Variants in SEMA3A observed in about 807,000 individuals in gnomAD.
SEMA3A encodes semaphorin-3A.
Under a neutral mutation model 97.9 loss-of-function variants are expected in SEMA3A, and 29 were observed. That is an observed-to-expected ratio of 0.30 (90% CI 0.22 to 0.40). SEMA3A has a LOEUF of 0.40. Ranked by LOEUF, SEMA3A falls within the 10% of genes least tolerant of loss-of-function variation. The probability of loss-of-function intolerance (pLI) is 1.00; values close to 1 mark genes in which losing one functional copy is unlikely to be tolerated. For missense variants in SEMA3A, 763 were observed against 951.3 expected (o/e 0.80, Z 2.60); for synonymous variants, 321 against 323.7 (o/e 0.99, Z 0.09).
At chr7:84,080,899 C>T (rs1019048927) in intron 4 of SEMA3A, among the ~76,000 whole-genome samples, 2 of 151,772 alleles carry the variant, frequency 1.3e-5, no homozygotes, top group Non-Finnish European at 2.9e-5. Flanking sequence ...AAAAAATATA[C>T]TTTAATCTCT....
At chr7:84,490,037 G>A (rs951171073) in intron 1 of SEMA3A, among the ~76,000 whole-genome samples, 4 of 151,362 alleles carry the variant, frequency 2.6e-5, no homozygotes, top group Non-Finnish European at 4.4e-5. Flanking sequence ...AAGCCACAGG[G>A]ACACAAAATG....
chr7:84,190,565 T>C (rs904056888), intron 1 of SEMA3A, among the ~76,000 whole-genome samples: 4 of 151,234 alleles, frequency 2.6e-5, no homozygotes, highest in African/African-American at 9.7e-5. Context: ...CTCCCACATA[T>C]GTTTCCTAAA....
intron 5 of SEMA3A, among the ~76,000 whole-genome samples, chr7:84,049,313 A>C (rs1792493354): frequency 6.6e-6 from 1 of 152,104 alleles, no homozygotes; most frequent in African/African-American, 2.4e-5. Context: ...ACTCAATGTC[A>C]GTAAACTATT....
At chr7:84,024,011 CAA>C (rs397890179) in intron 6 of SEMA3A, among the ~76,000 whole-genome samples, 6,412 of 113,596 alleles carry the variant, frequency 0.056, 442 homozygotes, top group African/African-American at 0.19. Context: ...GACTCCGTCT[CAA>C]AAAAAAAAAA....
intron 5 of SEMA3A, among the ~76,000 whole-genome samples, chr7:84,058,023 A>G (rs982398230): frequency 6.6e-6 from 1 of 152,134 alleles, no homozygotes; most frequent in Non-Finnish European, 1.5e-5. Flanking sequence ...GTAAACTAAA[A>G]ATTTTAAGCT....
chr7:84,090,503 A>C (rs1794529595), intron 4 of SEMA3A, among the ~76,000 whole-genome samples: 1 of 152,130 alleles, frequency 6.6e-6, no homozygotes, highest in Non-Finnish European at 1.5e-5. Flanking sequence ...GTCAACCTAA[A>C]TGCAAAAAAA....
intron 4 of SEMA3A, among the ~76,000 whole-genome samples, chr7:84,087,129 C>A (rs1411794574): frequency 6.6e-6 from 1 of 151,962 alleles, no homozygotes; most frequent in Non-Finnish European, 1.5e-5. Flanking sequence ...AAAATATTTA[C>A]GTTGTTGCAT....
chr7:84,266,121 C>A (rs1232682259), intron 3 of SEMA3A, among the ~76,000 whole-genome samples: 3 of 151,752 alleles, frequency 2.0e-5, no homozygotes, highest in African/African-American at 7.3e-5. Flanking sequence ...GAGTTCAAGA[C>A]CAGCCTGGCC....
rs191019154 is a variant in SEMA3A at position 84,086,709 on chromosome 7, T to C, written c.453+23761A>G. Among the ~76,000 whole-genome samples the C allele has an allele frequency of 7.6e-3, 1,135 of 148,986 alleles. 16 individuals carry two copies. The highest frequency in any genetic ancestry group is 0.027 in the African/African-American group (1,093 of 40,482). Reference sequence around the variant, plus strand: ...ATATATGTATATATATGGAACATCATATATATGTATACATATATATGTGTG... The same window carrying C: ...ATATATGTATATATATGGAACATCACATATATGTATACATATATATGTGTG... On this transcript the variant is annotated intron_variant, in intron 4 of 16. Coordinates refer to ENST00000265362, the MANE Select transcript of SEMA3A (RefSeq NM_006080.3).
chr7:84,258,250 T>C (rs1217152659), intron 3 of SEMA3A, among the ~76,000 whole-genome samples: 1 of 152,150 alleles, frequency 6.6e-6, no homozygotes, highest in Non-Finnish European at 1.5e-5. Context: ...ATCCTTCTGA[T>C]ATAAGCTCAT....
chr7:84,275,952 A>G (rs1800283105), intron 3 of SEMA3A, among the ~76,000 whole-genome samples: 1 of 152,104 alleles, frequency 6.6e-6, no homozygotes, highest in South Asian at 2.1e-4. Flanking sequence ...TACATGGCTC[A>G]TATTACATTT....
chr7:84,410,129 A>G (rs532090056), intron 1 of SEMA3A, among the ~76,000 whole-genome samples: 1 of 152,058 alleles, frequency 6.6e-6, no homozygotes, highest in Non-Finnish European at 1.5e-5. Context: ...CTGTATAAGA[A>G]TCAACAAAAG....
intron 4 of SEMA3A, among the ~76,000 whole-genome samples, chr7:84,075,400 C>T (rs1164209608): frequency 6.6e-6 from 1 of 151,082 alleles, no homozygotes. Context: ...CTCAGGTGAT[C>T]CACCCGCCTC....
At chr7:84,075,599 C>A (rs1793919829) in intron 4 of SEMA3A, among the ~76,000 whole-genome samples, 1 of 151,882 alleles carries the variant, frequency 6.6e-6, no homozygotes, top group Non-Finnish European at 1.5e-5. Context: ...GCTGGGATTA[C>A]AGGCATGTGC....
rs189772411 is a variant in SEMA3A, at chr7:84,383,308, T to C, written c.-245-11408A>G. On this transcript the variant is annotated intron_variant, in intron 1 of 3. Transcript: ENST00000424555. ...AAGTATAATGGAATATTCTGACTAATAACTAACTTTATCAGATAGAATATT... is the reference window on the plus strand; with the variant it reads ...AAGTATAATGGAATATTCTGACTAACAACTAACTTTATCAGATAGAATATT... Among the ~76,000 whole-genome samples the C allele has an allele frequency of 8.5e-5, 13 of 152,244 alleles. No individual in the cohort carries two copies. In the East Asian group the frequency reaches 2.5e-3, roughly 29 times the overall value.
rs1472370027 is a variant in SEMA3A, at chr7:84,026,091, G to A, written c.668-11740C>T. ...CTAAATGGTCATAACCAAAAGCAAC[G>A]GTTCGTAGTTTTCCTCAAAAAGGCA... On this transcript the variant is annotated intron_variant, in intron 6 of 16. Transcript: ENST00000265362. Among the ~76,000 whole-genome samples, 8 of 152,118 alleles carry A rather than the reference G, an allele frequency of 5.3e-5. No homozygotes were observed. In the East Asian group the frequency reaches 5.8e-4, roughly 11 times the overall value.
chr7:84,083,088 A>C (rs2115808796), intron 4 of SEMA3A, among the ~76,000 whole-genome samples: 1 of 152,048 alleles, frequency 6.6e-6, no homozygotes, highest in East Asian at 1.9e-4. Flanking sequence ...AATTTGATTG[A>C]AAACCAAATT....
At chr7:84,001,700 T>TA (rs1790461279) in intron 12 of SEMA3A, among the ~76,000 whole-genome samples, 1 of 152,022 alleles carries the variant, frequency 6.6e-6, no homozygotes, top group Non-Finnish European at 1.5e-5. Context: ...AAATGTAATA[T>TA]AAAATGTAAA....
intron 2 of SEMA3A, among the ~76,000 whole-genome samples, chr7:84,339,369 A>G (rs1323233113): frequency 6.6e-6 from 1 of 152,166 alleles, no homozygotes; most frequent in African/African-American, 2.4e-5. Context: ...TATTATTGCT[A>G]GAAAGTTATT....
Sources: allele counts gnomAD v4.1 joint callset (sites outside exome capture counted in the v4.1 genomes callset), GRCh38; gene constraint gnomAD v4.1.1; transcripts MANE v1.5; gene names NCBI Gene and HGNC (gene_info 2026-07-23, HGNC 2026-07-21).